GPC6: variants seen among roughly 807,000 people sequenced by gnomAD.
The protein encoded by GPC6 is glypican-6.
A neutral mutation model predicts 55.2 loss-of-function variants in GPC6; 14 were observed. The ratio of observed to expected loss-of-function variants is 0.25; its 90% CI spans 0.17 to 0.40. The LOEUF (loss-of-function observed/expected upper bound fraction) is 0.40, where lower values mean the gene tolerates loss of function less well. Among genes scored for constraint, GPC6 ranks in the 10% least tolerant of loss-of-function variants. GPC6 has a pLI of 1.00. For missense variants in GPC6, 641 were observed against 708.5 expected, an observed-to-expected ratio of 0.90 and a Z score of 1.08; for synonymous variants, 278 against 259.6, an observed-to-expected ratio of 1.07 and a Z score of -0.68.
At chr13:93,413,557 C>CT (rs78359740) in intron 1 of GPC6, among the ~76,000 whole-genome samples, 45,816 of 142,044 alleles carry the variant, frequency 0.32, 8,808 homozygotes, top group Non-Finnish European at 0.46. Context: ...GTATTTTGTT[C>CT]TTTTTTTTTT....
At chr13:93,489,226 G>C (rs1483025822) in intron 1 of GPC6, among the ~76,000 whole-genome samples, 3 of 151,462 alleles carry the variant, frequency 2.0e-5, no homozygotes, top group African/African-American at 7.2e-5. Flanking sequence ...ACTAAATACG[G>C]AATCCTTTCC....
At chr13:93,228,896 A>G (rs1308059008) in intron 1 of GPC6, among the ~76,000 whole-genome samples, 2 of 152,210 alleles carry the variant, frequency 1.3e-5, no homozygotes, top group African/African-American at 4.8e-5. Context: ...TTCAAGCTGT[A>G]GAAGTGAGGG....
intron 3 of GPC6, among the ~76,000 whole-genome samples, chr13:93,905,045 C>A (rs1876567660): frequency 6.9e-6 from 1 of 145,034 alleles, no homozygotes; most frequent in Non-Finnish European, 1.5e-5. Context: ...TTTGTTCTTG[C>A]AAATTTATGT....
intron 3 of GPC6, among the ~76,000 whole-genome samples, chr13:93,874,948 C>CA (rs1889245895): frequency 6.6e-6 from 1 of 151,992 alleles, no homozygotes; most frequent in African/African-American, 2.4e-5. Flanking sequence ...TATCCTGACA[C>CA]ACACGTCTAG....
At chr13:93,451,839 T>A (rs907303982) in intron 1 of GPC6, among the ~76,000 whole-genome samples, 1 of 152,206 alleles carries the variant, frequency 6.6e-6, no homozygotes, top group Non-Finnish European at 1.5e-5. Context: ...TGCTCCAATG[T>A]AAAACTCGTT....
At chr13:93,686,688 C>T (rs1023326751) in intron 2 of GPC6, among the ~76,000 whole-genome samples, 7 of 152,088 alleles carry the variant, frequency 4.6e-5, no homozygotes, top group Non-Finnish European at 1.0e-4. Flanking sequence ...TTAAAAGAGT[C>T]ATATATGACT....
chr13:93,469,344 A>G (rs1387800378), intron 1 of GPC6, among the ~76,000 whole-genome samples: 1 of 152,096 alleles, frequency 6.6e-6, no homozygotes, highest in East Asian at 1.9e-4. Flanking sequence ...GATTTGGTAA[A>G]CATCATTATA....
intron 4 of GPC6, among the ~76,000 whole-genome samples, chr13:94,041,474 C>A (rs1412156284): frequency 6.6e-6 from 1 of 151,754 alleles, no homozygotes; most frequent in African/African-American, 2.4e-5. Context: ...TTATTGGCTA[C>A]CTATTATCTG....
intron 1 of GPC6, among the ~76,000 whole-genome samples, chr13:93,307,691 C>T (rs1357662206): frequency 6.6e-6 from 1 of 151,964 alleles, no homozygotes; most frequent in Non-Finnish European, 1.5e-5. Flanking sequence ...TGATCAATTA[C>T]TGAGAGTAAT....
intron 3 of GPC6, among the ~76,000 whole-genome samples, chr13:93,900,911 T>C (rs1217087214): frequency 2.6e-5 from 4 of 152,182 alleles, no homozygotes; most frequent in Admixed American, 2.0e-4. Flanking sequence ...GGGAAGAAAG[T>C]TCCGTATGAC....
intron 6 of GPC6, among the ~76,000 whole-genome samples, chr13:94,372,750 C>T (rs1246528137): frequency 2.0e-5 from 3 of 152,096 alleles, no homozygotes; most frequent in African/African-American, 7.2e-5. Flanking sequence ...TAGGCTCCAC[C>T]TCTGGGGGCA....
chr13:94,211,411 C>T (rs1011380140), intron 4 of GPC6, among the ~76,000 whole-genome samples: 7 of 152,014 alleles, frequency 4.6e-5, no homozygotes, highest in South Asian at 2.1e-4. Flanking sequence ...AGTATAAGAA[C>T]GTAAAGAAAA....
rs12561010 is a variant in GPC6 at position 93,541,771 on chromosome 13, C to T, written c.161-3492C>T. Among the ~76,000 whole-genome samples, 958 of 149,808 alleles carry T rather than the reference C, an allele frequency of 6.4e-3. 54 individuals are homozygous for T. The East Asian group carries it at 0.15, about 23-fold the overall frequency. On this transcript the variant is annotated intron_variant, in intron 1 of 8. Transcript: ENST00000377047. ...GTGGTTTTGATTTGCATTTCTCTGA[C>T]GGCCAGTGATGGTGAGCATTTTTTC...
intron 4 of GPC6, among the ~76,000 whole-genome samples, chr13:94,175,034 T>G (rs2138936000): frequency 6.6e-6 from 1 of 152,280 alleles, no homozygotes; most frequent in South Asian, 2.1e-4. Flanking sequence ...ATCACCACTC[T>G]TCAGATTTCT....
intron 4 of GPC6, among the ~76,000 whole-genome samples, chr13:94,259,824 G>A (rs1487391561): frequency 6.6e-6 from 1 of 152,012 alleles, no homozygotes; most frequent in Non-Finnish European, 1.5e-5. Context: ...TCATATTCTA[G>A]CATGTGTCAT....
rs563927280 is a variant in GPC6 at position 93,539,366 on chromosome 13, G to A, written c.161-5897G>A. The stretch of plus-strand genomic sequence containing the variant: ...CGAAATCATCACGTGAAAGATGATC[G>A]GGAATACCCTTGTAGTTGAACAGGT... On this transcript the variant is annotated intron_variant, in intron 1 of 8. Transcript: ENST00000377047. Among the ~76,000 whole-genome samples the A allele has an allele frequency of 4.6e-5, 7 of 152,180 alleles. No individual in the cohort carries two copies. The South Asian group carries it at 1.0e-3, about 23-fold the overall frequency.
At chr13:94,031,078 G>T (rs1465536385) in intron 4 of GPC6, among the ~76,000 whole-genome samples, 1 of 149,446 alleles carries the variant, frequency 6.7e-6, no homozygotes, top group African/African-American at 2.5e-5. Flanking sequence ...GCGTGTGCGT[G>T]TGCGTGTGTG....
At chr13:94,393,241 C>T (rs1226351644) in intron 7 of GPC6, among the ~76,000 whole-genome samples, 1 of 152,068 alleles carries the variant, frequency 6.6e-6, no homozygotes, top group African/African-American at 2.4e-5. Flanking sequence ...TACATCGTAT[C>T]TCCAGTGGGG....
intron 1 of GPC6, among the ~76,000 whole-genome samples, chr13:93,473,651 C>G (rs1252027868): frequency 1.3e-5 from 2 of 152,190 alleles, no homozygotes; most frequent in Non-Finnish European, 2.9e-5. Flanking sequence ...ACTTCAGGTC[C>G]TCACAGGGCC....
Sources: gnomAD v4.1 joint callset for allele counts (sites outside exome capture counted in the v4.1 genomes callset) on GRCh38, gnomAD v4.1.1 for gene constraint, MANE v1.5 for transcripts, NCBI Gene and HGNC (gene_info 2026-07-23, HGNC 2026-07-21) for gene names.